The following ANK2 variants were observed in gnomAD, a reference collection of about 807,000 sequenced individuals.
The protein encoded by ANK2 is ankyrin-2.
ANK2 carries 83 observed loss-of-function variants against 360.5 expected under a neutral mutation model. That is an observed-to-expected ratio of 0.23 (90% CI 0.19 to 0.28). The LOEUF (loss-of-function observed/expected upper bound fraction) is 0.28. Among genes scored for constraint, ANK2 ranks in the 10% least tolerant of loss-of-function variants. The probability of loss-of-function intolerance (pLI) is 1.00; values close to 1 mark genes in which losing one functional copy is unlikely to be tolerated. For missense variants in ANK2, 4,201 were observed against 4,795.7 expected (o/e 0.88, Z 3.66); for synonymous variants, 1,740 against 1,759.5 (o/e 0.99, Z 0.28).
chr4:113,033,195 T>C (rs1283700436), intron 2 of ANK2, among the ~76,000 whole-genome samples: 3 of 151,994 alleles, frequency 2.0e-5, no homozygotes, highest in Admixed American at 2.0e-4. Context: ...AACATCTCTA[T>C]TTTGTATTAC....
intron 1 of ANK2, among the ~76,000 whole-genome samples, chr4:113,066,343 C>T (rs1350446475): frequency 1.3e-5 from 2 of 152,138 alleles, no homozygotes; most frequent in Non-Finnish European, 2.9e-5. Flanking sequence ...GGTGGGGTGC[C>T]TTTTATTCAT....
chr4:113,160,626 A>G (rs1450175716), intron 1 of ANK2, among the ~76,000 whole-genome samples: 2 of 152,152 alleles, frequency 1.3e-5, no homozygotes, highest in Non-Finnish European at 2.9e-5. Context: ...ATATTTCCAG[A>G]AATACTTCTC....
chr4:113,129,985 A>T (rs185130985), intron 1 of ANK2, among the ~76,000 whole-genome samples: 89 of 152,324 alleles, frequency 5.8e-4, no homozygotes, highest in African/African-American at 1.7e-3. Context: ...AGTTTGAATT[A>T]CTTAGATAAC....
chr4:113,337,043 C>T (rs957330758), intron 31 of ANK2, among the ~76,000 whole-genome samples: 1 of 152,098 alleles, frequency 6.6e-6, no homozygotes, highest in Non-Finnish European at 1.5e-5. Flanking sequence ...AACTTTAACC[C>T]CGTGTTGCTG....
intron 1 of ANK2, among the ~76,000 whole-genome samples, chr4:112,892,112 G>C (rs1343987279): frequency 6.6e-6 from 1 of 152,174 alleles, no homozygotes; most frequent in East Asian, 1.9e-4. Flanking sequence ...TGATGATCCT[G>C]GGAGGGCTGA....
At chr4:113,083,363 G>A (rs1000147012) in intron 1 of ANK2, among the ~76,000 whole-genome samples, 1 of 152,076 alleles carries the variant, frequency 6.6e-6, no homozygotes, top group Admixed American at 6.5e-5. Context: ...AAATATTTTT[G>A]TAGAGATGGA....
intron 10 of ANK2, among the ~76,000 whole-genome samples, chr4:113,250,755 G>C (rs866431998): frequency 0.014 from 833 of 60,120 alleles, 19 homozygotes; most frequent in Non-Finnish European, 0.018. Context: ...TCATACCACC[G>C]CCCCCCCCCC....
chr4:113,047,388 A>T (rs1223694740), upstream of ANK2, among the ~76,000 whole-genome samples: 1 of 152,194 alleles, frequency 6.6e-6, no homozygotes, highest in Non-Finnish European at 1.5e-5. Context: ...TGTTTTGTTT[A>T]TCATGATATC....
At chr4:113,276,420 A>AT (rs1158729719) in intron 15 of ANK2, among the ~76,000 whole-genome samples, 1 of 152,168 alleles carries the variant, frequency 6.6e-6, no homozygotes, top group Non-Finnish European at 1.5e-5. Flanking sequence ...GATTTTATGT[A>AT]TTTTTGTCTA....
chr4:113,305,942 A>T (rs1295303304), intron 23 of ANK2, among the ~76,000 whole-genome samples: 1 of 152,232 alleles, frequency 6.6e-6, no homozygotes, highest in East Asian at 1.9e-4. Flanking sequence ...TCAAGATAAA[A>T]TCATAAGGTA....
chr4:112,957,509 C>T (rs941789421), intron 2 of ANK2, among the ~76,000 whole-genome samples: 2 of 152,330 alleles, frequency 1.3e-5, no homozygotes, highest in Non-Finnish European at 2.9e-5. Flanking sequence ...CATCATGGCC[C>T]GTTCTCAATG....
intron 1 of ANK2, among the ~76,000 whole-genome samples, chr4:113,065,187 A>G (rs2075105098): frequency 7.3e-6 from 1 of 137,150 alleles, no homozygotes; most frequent in Non-Finnish European, 1.6e-5. Flanking sequence ...AAAATGTTAG[A>G]AAGTTCTGTA....
intron 2 of ANK2, among the ~76,000 whole-genome samples, chr4:112,937,743 C>T (rs1449303246): frequency 1.3e-5 from 2 of 152,164 alleles, no homozygotes; most frequent in African/African-American, 4.8e-5. Flanking sequence ...TTAGGCCTAG[C>T]CTACCCTGAA....
chr4:112,804,834 C>T, the ANK2 span, among the ~76,000 whole-genome samples: 1 of 151,778 alleles, frequency 6.6e-6, no homozygotes, highest in Admixed American at 6.6e-5. Context: ...GTGGCACACG[C>T]ACCTGTAATA....
chr4:113,024,941 A>G (rs2058950728), intron 2 of ANK2, among the ~76,000 whole-genome samples: 1 of 152,152 alleles, frequency 6.6e-6, no homozygotes, highest in African/African-American at 2.4e-5. Flanking sequence ...TATTCGTGTG[A>G]ATTTTTTAAT....
chr4:113,012,456 C>T (rs922311054), intron 2 of ANK2, among the ~76,000 whole-genome samples: 2 of 152,132 alleles, frequency 1.3e-5, no homozygotes, highest in African/African-American at 4.8e-5. Context: ...CTCATATCAA[C>T]TCTGGTTTAA....
chr4:112,780,596 A>G, the ANK2 span, among the ~76,000 whole-genome samples: 1 of 152,214 alleles, frequency 6.6e-6, no homozygotes, highest in Admixed American at 6.5e-5. Context: ...CTGTTCTTAC[A>G]CAGCTATGAA....
intron 20 of ANK2, among the ~76,000 whole-genome samples, chr4:113,290,993 T>C (rs1410800343): frequency 2.0e-5 from 3 of 152,250 alleles, no homozygotes; most frequent in Non-Finnish European, 4.4e-5. Context: ...GGGAACATTT[T>C]TGTGGCCACA....
chr4:112,973,529 GC>G (rs2154267430), intron 2 of ANK2, among the ~76,000 whole-genome samples: 1 of 152,214 alleles, frequency 6.6e-6, no homozygotes, highest in African/African-American at 2.4e-5. Flanking sequence ...CAGTTGCATT[GC>G]TTTTGATAAA....
Sources: allele counts gnomAD v4.1 joint callset (sites outside exome capture counted in the v4.1 genomes callset), GRCh38; gene constraint gnomAD v4.1.1; transcripts MANE v1.5; gene names NCBI Gene and HGNC (gene_info 2026-07-23, HGNC 2026-07-21).